Variants in KCNMA1 observed in about 807,000 individuals in gnomAD.
KCNMA1 encodes Calcium-activated potassium channel subunit alpha-1.
KCNMA1 carries 29 observed loss-of-function variants against 140.0 expected under a neutral mutation model. The ratio of observed to expected loss-of-function variants is 0.21; its 90% CI spans 0.15 to 0.28. The LOEUF is 0.28. Among genes scored for constraint, KCNMA1 ranks in the 10% least tolerant of loss-of-function variants. KCNMA1 has a pLI of 1.00. For missense variants in KCNMA1, 880 were observed against 1,602.2 expected, an observed-to-expected ratio of 0.55 and a Z score of 7.70; for synonymous variants, 612 against 611.9, an observed-to-expected ratio of 1.00 and a Z score of 0.00.
chr10:77,271,518 C>T (rs1878216), intron 2 of KCNMA1, among the ~76,000 whole-genome samples: 17,767 of 152,182 alleles, frequency 0.12, 1,586 homozygotes, highest in African/African-American at 0.24. Flanking sequence ...TCAGTTCCTG[C>T]CTCTGACAGA....
chr10:77,617,843 G>A (rs1380092608), intron 1 of KCNMA1, among the ~76,000 whole-genome samples: 2 of 152,174 alleles, frequency 1.3e-5, no homozygotes, highest in Non-Finnish European at 2.9e-5. Context: ...TCATGATAAT[G>A]GTTCTGGCAG....
At chr10:77,193,177 C>T (rs373520735) in intron 3 of KCNMA1, among the ~76,000 whole-genome samples, 5 of 152,094 alleles carry the variant, frequency 3.3e-5, no homozygotes, top group Admixed American at 6.6e-5. Flanking sequence ...TCTAAGAGCA[C>T]GTACTTTTTC....
chr10:76,922,872 A>G (rs866340501), intron 23 of KCNMA1, among the ~76,000 whole-genome samples: 7 of 152,178 alleles, frequency 4.6e-5, no homozygotes, highest in Non-Finnish European at 1.0e-4. Context: ...TCGCGGTGAA[A>G]TGATTCATGC....
rs1420834910 is a variant in KCNMA1 at position 77,038,998 on chromosome 10, A to T, written c.1859+530T>A. 2.2e-5 allele frequency: 4 copies of T among 181,994 alleles called. No homozygotes were observed. The East Asian group carries it at 4.1e-4, about 19-fold the overall frequency. The allele number at this position is 181,994 out of a possible 1,614,324, so 11.3% of individuals were successfully genotyped here. On this transcript the variant is annotated intron_variant, in intron 15 of 27. Transcript: ENST00000286628. ...GAAGCTAAGACTTGTTATTATTATA[A>T]CATGGCAGTTGTCTATGTGGGGGCT...
rs139774027 is a variant in KCNMA1, at chr10:77,252,525, T to TTGTGTGTGTGTG, written c.541-1281_541-1270dup. On this transcript the variant is annotated intron_variant, in intron 2 of 27. Coordinates refer to ENST00000286628, the MANE Select transcript of KCNMA1 (RefSeq NM_001161352.2). ...TGTAAAGACTAAGCATGATCAAGCT[T>TTGTGTGTGTGTG]TGTGTGTGTGTGTGTGTGTGTGTGT... Among the ~76,000 whole-genome samples the TTGTGTGTGTGTG allele has an allele frequency of 3.4e-3, 498 of 145,818 alleles. 5 individuals carry two copies. The highest frequency in any genetic ancestry group is 0.031 in the East Asian group (146 of 4,760).
At chr10:76,910,400 A>C in intron 24 of KCNMA1, 1 of 375,414 alleles carries the variant, frequency 2.7e-6, no homozygotes, top group Non-Finnish European at 5.1e-6. Flanking sequence ...TAGGATCATG[A>C]CCTAAAAACA....
intron 2 of KCNMA1, among the ~76,000 whole-genome samples, chr10:77,271,421 A>C (rs1168132918): frequency 6.6e-6 from 1 of 152,172 alleles, no homozygotes; most frequent in Non-Finnish European, 1.5e-5. Flanking sequence ...CTCGTCTCAC[A>C]AAAAAGAAGC....
chr10:76,976,280 A>T (rs943809254), intron 19 of KCNMA1, among the ~76,000 whole-genome samples: 1 of 152,150 alleles, frequency 6.6e-6, no homozygotes, highest in Non-Finnish European at 1.5e-5. Flanking sequence ...TAATAGGAAA[A>T]TGGGGAGGGA....
intron 2 of KCNMA1, among the ~76,000 whole-genome samples, chr10:77,384,167 T>C (rs1379526389): frequency 6.6e-6 from 1 of 152,230 alleles, no homozygotes; most frequent in Non-Finnish European, 1.5e-5. Flanking sequence ...TGAGAGCTTT[T>C]CCTGGTGGAG....
At chr10:77,512,099 G>T (rs2048614373) in intron 1 of KCNMA1, among the ~76,000 whole-genome samples, 1 of 152,222 alleles carries the variant, frequency 6.6e-6, no homozygotes, top group Non-Finnish European at 1.5e-5. Flanking sequence ...AATGTCTTGG[G>T]TCATATATCC....
At chr10:77,017,367 C>A (rs974405713) in intron 17 of KCNMA1, among the ~76,000 whole-genome samples, 6 of 152,120 alleles carry the variant, frequency 3.9e-5, no homozygotes, top group African/African-American at 1.2e-4. Flanking sequence ...TCCAGGAGAC[C>A]TGATTGGAGC....
rs145295789 is a variant in KCNMA1, at chr10:77,334,938, G to T, written c.540+68924C>A. ...TTTTTCTTACTTAGTTTTGGAACATGTATGACACAGCACATCTCAATTCAG... is the reference window on the plus strand; with the variant it reads ...TTTTTCTTACTTAGTTTTGGAACATTTATGACACAGCACATCTCAATTCAG... On this transcript the variant is annotated intron_variant, in intron 2 of 27. Transcript: ENST00000286628. Among the ~76,000 whole-genome samples, 388 of 152,194 alleles carry T rather than the reference G, an allele frequency of 2.5e-3. 2 individuals carry two copies. Among genetic ancestry groups the T allele is most frequent in the African/African-American group, 9.1e-3 (377 of 41,522 alleles).
chr10:77,476,200 A>T (rs372553377), intron 1 of KCNMA1, among the ~76,000 whole-genome samples: 1 of 152,176 alleles, frequency 6.6e-6, no homozygotes, highest in Non-Finnish European at 1.5e-5. Flanking sequence ...TAATTATTAG[A>T]ACTCTCGGAA....
intron 1 of KCNMA1, among the ~76,000 whole-genome samples, chr10:77,515,498 G>A (rs574802226): frequency 4.6e-5 from 7 of 152,218 alleles, no homozygotes; most frequent in South Asian, 2.1e-4. Flanking sequence ...TTCAGAGGTC[G>A]CTATCTTTCT....
intron 23 of KCNMA1, among the ~76,000 whole-genome samples, chr10:76,929,095 T>C (rs768913298): frequency 3.3e-5 from 5 of 151,872 alleles, no homozygotes; most frequent in Non-Finnish European, 7.4e-5. Context: ...TAAATGCAAA[T>C]AAATAAATAA....
intron 2 of KCNMA1, among the ~76,000 whole-genome samples, chr10:77,255,362 G>A (rs1411104774): frequency 2.6e-5 from 4 of 152,064 alleles, no homozygotes; most frequent in African/African-American, 9.7e-5. Flanking sequence ...CACTTTGGGA[G>A]GCCATGACAG....
chr10:77,192,254 C>T (rs2098944703), intron 3 of KCNMA1, among the ~76,000 whole-genome samples: 1 of 152,158 alleles, frequency 6.6e-6, no homozygotes, highest in Admixed American at 6.6e-5. Context: ...ATAAAACACA[C>T]ACAGATCATT....
chr10:77,444,853 T>C (rs1001854726), intron 1 of KCNMA1, among the ~76,000 whole-genome samples: 4 of 152,132 alleles, frequency 2.6e-5, no homozygotes, highest in African/African-American at 7.2e-5. Flanking sequence ...CCTTCTGTGG[T>C]TGGGTCCTTG....
At chr10:77,094,391 A>C (rs2096880720) in intron 9 of KCNMA1, among the ~76,000 whole-genome samples, 1 of 152,114 alleles carries the variant, frequency 6.6e-6, no homozygotes, top group Non-Finnish European at 1.5e-5. Flanking sequence ...CTGCTCCTTC[A>C]GGGCAAGCAG....
Sources: allele counts gnomAD v4.1 joint callset (sites outside exome capture counted in the v4.1 genomes callset), GRCh38; gene constraint gnomAD v4.1.1; transcripts MANE v1.5; gene names NCBI Gene and HGNC (gene_info 2026-07-23, HGNC 2026-07-21).